CATSPERE: variants seen among roughly 807,000 people sequenced by gnomAD.
CATSPERE encodes catsper channel auxiliary subunit epsilon, also known as cation channel sperm-associated auxiliary subunit epsilon.
A neutral mutation model predicts 114.1 loss-of-function variants in CATSPERE; 93 were observed. The ratio of observed to expected loss-of-function variants is 0.81; its 90% CI spans 0.69 to 0.97. The LOEUF (loss-of-function observed/expected upper bound fraction) is 0.97, where lower values mean the gene tolerates loss of function less well. Among genes scored for constraint, CATSPERE ranks in the 50% least tolerant of loss-of-function variants. The pLI, the probability that CATSPERE is intolerant of heterozygous loss-of-function variation, is 0.00. For synonymous variants in CATSPERE, 341 were observed against 384.1 expected (o/e 0.89, Z 1.31); for missense variants, 1,058 against 1,131.6 (o/e 0.93, Z 0.93).
chr1:244,528,785 C>CCA (rs56746061), intron 8 of CATSPERE, among the ~76,000 whole-genome samples: 21,473 of 130,200 alleles, frequency 0.16, 1,767 homozygotes, highest in Admixed American at 0.21. Context: ...CAATCCCCCA[C>CCA]CACACACACA....
At chr1:244,519,601 G>GGT (rs1434962958) in intron 8 of CATSPERE, among the ~76,000 whole-genome samples, 1 of 152,100 alleles carries the variant, frequency 6.6e-6, no homozygotes, top group Non-Finnish European at 1.5e-5. Context: ...AATGAGTGTG[G>GGT]GTGTGAATGT....
intron 8 of CATSPERE, among the ~76,000 whole-genome samples, chr1:244,526,905 C>G (rs971586726): frequency 6.6e-6 from 1 of 151,924 alleles, no homozygotes; most frequent in Non-Finnish European, 1.5e-5. Context: ...TGATGCCCCC[C>G]AAGCCACAAA....
chr1:244,451,995 C>G (rs1665640118), upstream of CATSPERE: 20 of 607,072 alleles, frequency 3.3e-5, no homozygotes, highest in Middle Eastern at 4.7e-4. The surrounding 1 kb of genome is among the most constrained non-coding windows in gnomAD (Gnocchi z 6.6). Context: ...CCGCCACAGC[C>G]CGCTCAAGGG....
intron 10 of CATSPERE, among the ~76,000 whole-genome samples, chr1:244,562,927 C>T (rs1662805239): frequency 1.3e-5 from 2 of 152,112 alleles, no homozygotes; most frequent in African/African-American, 4.8e-5. Context: ...ATGTTCCCCT[C>T]CCTGTGTTGA....
rs78024929 is a variant in CATSPERE, at chr1:244,606,219, G to A, written c.2403+425G>A. 2.6e-4 allele frequency among the ~76,000 whole-genome samples: 40 copies of A among 152,164 alleles called. No homozygotes were observed. The East Asian group carries it at 6.6e-3, about 25-fold the overall frequency. The stretch of plus-strand genomic sequence containing the variant: ...GGCTTCAGTGTCCCTACACTCTCCC[G>A]GCTTCCTTCCACCCGCCAGGACTGG... On this transcript the variant is annotated intron_variant, in intron 18 of 21. Coordinates refer to ENST00000366534, the MANE Select transcript of CATSPERE (RefSeq NM_001130957.2).
intron 10 of CATSPERE, among the ~76,000 whole-genome samples, chr1:244,567,572 C>T (rs868584847): frequency 2.0e-5 from 3 of 151,768 alleles, no homozygotes; most frequent in African/African-American, 7.3e-5. Flanking sequence ...CTAATCTTTT[C>T]TTTATGCTTA....
At chr1:244,617,507 T>C (rs1671547975) in intron 19 of CATSPERE, 22 bp from the exon 20 acceptor site, 12 of 1,474,196 alleles carry the variant, frequency 8.1e-6, no homozygotes, top group Non-Finnish European at 4.5e-6. Flanking sequence ...CCTTAAAATT[T>C]TTGTCTTTGT....
intron 9 of CATSPERE, among the ~76,000 whole-genome samples, chr1:244,553,893 T>C (rs1661182829): frequency 6.6e-6 from 1 of 152,182 alleles, no homozygotes; most frequent in Admixed American, 6.5e-5. Flanking sequence ...ATCATGGTTT[T>C]TACCTTCCAC....
At chr1:244,616,273 CAT>C (rs1671387861) in intron 19 of CATSPERE, among the ~76,000 whole-genome samples, 1 of 152,140 alleles carries the variant, frequency 6.6e-6, no homozygotes, top group Non-Finnish European at 1.5e-5. Context: ...CATTTTTGTC[CAT>C]AGAGTTGCCA....
Position 244,573,608 on chromosome 1 carries a change from C to T in CATSPERE, c.1950+836C>T, listed in dbSNP as rs78447132. On this transcript the variant is annotated intron_variant, in intron 11 of 21. Coordinates refer to ENST00000366534, the MANE Select transcript of CATSPERE (RefSeq NM_001130957.2). The surrounding 1 kb of genome is among the most constrained non-coding windows in gnomAD (Gnocchi z 4.0). ...TAAGGGGCCTCAGCTGGAACACTTG[C>T]CTCTGCTGGATAACCCAGGTCTAGT... Among the ~76,000 whole-genome samples the T allele has an allele frequency of 9.8e-3, 1,486 of 152,218 alleles. 30 individuals carry two copies. Among genetic ancestry groups the T allele is most frequent in the African/African-American group, 0.033 (1,360 of 41,528 alleles).
intron 10 of CATSPERE, among the ~76,000 whole-genome samples, chr1:244,562,946 C>T (rs1326023089): frequency 2.6e-5 from 4 of 152,146 alleles, no homozygotes; most frequent in African/African-American, 9.7e-5. Flanking sequence ...GATGTGTTCT[C>T]ATTGTTCAAC....
At chr1:244,490,601 C>G (rs1558357982) in intron 6 of CATSPERE, 130 bp downstream of exon 6, 1 of 591,468 alleles carries the variant, frequency 1.7e-6, no homozygotes, top group Non-Finnish European at 3.0e-6. Flanking sequence ...TAGAGTATAC[C>G]TTTCTATAAG....
intron 7 of CATSPERE, among the ~76,000 whole-genome samples, chr1:244,515,836 A>T (rs927729041): frequency 1.3e-5 from 2 of 150,440 alleles, no homozygotes; most frequent in Non-Finnish European, 3.0e-5. Context: ...ATAATATTTT[A>T]AAATACTATT....
At position 244,538,400 on chromosome 1, in the gene CATSPERE, G is replaced by A. The variant is rs375073740; in HGVS notation, c.537-13922G>A. 2.6e-5 allele frequency among the ~76,000 whole-genome samples: 4 copies of A among 152,192 alleles called. No homozygotes were observed. In the South Asian group the frequency reaches 8.3e-4, roughly 32 times the overall value. On this transcript the variant is annotated intron_variant, in intron 8 of 21. Transcript: ENST00000366534. ...CAGAGGGGGAAGTGGTAACTGAGTAGTGTTTAGCAATTCTGTTAAGTAAGT... is the reference window on the plus strand; with the variant it reads ...CAGAGGGGGAAGTGGTAACTGAGTAATGTTTAGCAATTCTGTTAAGTAAGT...
intron 7 of CATSPERE, 45 bp downstream of exon 7, chr1:244,499,124 C>A: frequency 6.9e-7 from 1 of 1,447,400 alleles, no homozygotes; most frequent in Non-Finnish European, 9.7e-7. Context: ...CAGAATGCTG[C>A]CTTTCTTTTG....
At chr1:244,584,190 A>T (rs1666680890) in intron 13 of CATSPERE, among the ~76,000 whole-genome samples, 1 of 152,178 alleles carries the variant, frequency 6.6e-6, no homozygotes, top group South Asian at 2.1e-4. Flanking sequence ...AAAAAAGTTT[A>T]TTGTATGCCT....
chr1:244,486,733 G>A (rs1572341027), intron 5 of CATSPERE, among the ~76,000 whole-genome samples: 3 of 126,752 alleles, frequency 2.4e-5, no homozygotes, highest in South Asian at 2.7e-4. Flanking sequence ...TGGAGTACTC[G>A]TGGGCCAGGT....
At chr1:244,592,809 G>A (rs1667893057) in intron 15 of CATSPERE, among the ~76,000 whole-genome samples, 1 of 152,132 alleles carries the variant, frequency 6.6e-6, no homozygotes, top group African/African-American at 2.4e-5. Context: ...ACTGTGATGG[G>A]GGTTTCCTGA....
At chr1:244,484,509 C>T (rs1467027275) in intron 5 of CATSPERE, among the ~76,000 whole-genome samples, 1 of 152,158 alleles carries the variant, frequency 6.6e-6, no homozygotes, top group Non-Finnish European at 1.5e-5. Flanking sequence ...TCTTATGCAT[C>T]TTCTGTTAAA....
Sources: gnomAD v4.1 joint callset for allele counts (sites outside exome capture counted in the v4.1 genomes callset) on GRCh38, gnomAD v4.1.1 for gene constraint, Gnocchi (gnomAD v3.1) non-coding constraint, MANE v1.5 for transcripts, NCBI Gene and HGNC (gene_info 2026-07-23, HGNC 2026-07-21) for gene names.